ABHD13: variants seen among roughly 807,000 people sequenced by gnomAD.
ABHD13 encodes the protein abhydrolase domain containing 13.
ABHD13 carries 7 observed loss-of-function variants against 25.2 expected under a neutral mutation model. That is an observed-to-expected ratio of 0.28 (90% CI 0.16 to 0.52). The LOEUF (loss-of-function observed/expected upper bound fraction) is 0.52, where lower values mean the gene tolerates loss of function less well. Ranked by LOEUF, ABHD13 falls within the 20% of genes least tolerant of loss-of-function variation. ABHD13 has a pLI of 0.96. For synonymous variants in ABHD13, 133 were observed against 136.1 expected, an observed-to-expected ratio of 0.98 and a Z score of 0.16; for missense variants, 302 against 402.7, an observed-to-expected ratio of 0.75 and a Z score of 2.14.
chr13:108,229,618 G>A lies in ABHD13; in HGVS notation c.400G>A (p.Ala134Thr), dbSNP rs938383427. 11 of 1,613,284 alleles carry A rather than the reference G, an allele frequency of 6.8e-6. No individual in the cohort carries two copies. Among genetic ancestry groups the A allele is most frequent in the Non-Finnish European group, 7.6e-6 (9 of 1,179,574 alleles). The change falls in exon 2 of 2, where the codon GCA (alanine) becomes ACA (threonine). Residue 134 changes from alanine to threonine, a missense_variant. Coordinates refer to ENST00000375898, the MANE Select transcript of ABHD13 (RefSeq NM_032859.3). The surrounding 1 kb of genome is among the most constrained non-coding windows in gnomAD (Gnocchi z 4.7). ...CAACATAGGTCACAGGTTGCCAAATGCATTACTTATGTTGGTTAACCTCAA... is the reference window on the plus strand; with the variant it reads ...CAACATAGGTCACAGGTTGCCAAATACATTACTTATGTTGGTTAACCTCAA... ...AGNIGHRLPN[A>T]LLMLVNLKVN...
At chr13:108,225,264 C>G (rs979113844) in intron 1 of ABHD13, among the ~76,000 whole-genome samples, 2 of 151,922 alleles carry the variant, frequency 1.3e-5, no homozygotes. Flanking sequence ...GCATCAGGTA[C>G]GTGAGGAACA....
intron 1 of ABHD13, among the ~76,000 whole-genome samples, chr13:108,220,507 A>C (rs1879545166): frequency 6.6e-6 from 1 of 152,232 alleles, no homozygotes. Flanking sequence ...TAGTTGCCCC[A>C]GGAAAGTCTT....
chr13:108,231,877 A>G lies in ABHD13; in HGVS notation c.*1645A>G. On this transcript the variant is annotated 3_prime_UTR_variant, in exon 2 of 2. Coordinates refer to ENST00000375898, the MANE Select transcript of ABHD13 (RefSeq NM_032859.3). Reference sequence around the variant, plus strand: ...TGATTTCTAAGAATGTTTTTCTATAAATTACTAATTGTAAAAAGTCTTGCT... The same window carrying G: ...TGATTTCTAAGAATGTTTTTCTATAGATTACTAATTGTAAAAAGTCTTGCT... 6.0e-6 allele frequency: 1 copy of G among 166,956 alleles called. No homozygotes were observed. The allele number at this position is 166,956 out of a possible 1,614,324, so 10.3% of individuals were successfully genotyped here.
intron 1 of ABHD13, among the ~76,000 whole-genome samples, chr13:108,221,766 T>A (rs1318793936): frequency 6.6e-6 from 1 of 152,192 alleles, no homozygotes; most frequent in Non-Finnish European, 1.5e-5. Flanking sequence ...GGTAATGCAC[T>A]TTTTTGTATT....
In ABHD13 at chr13:108,222,254, A is replaced by G. The variant is rs1331568906; in HGVS notation, c.-21+3595A>G. On this transcript the variant is annotated intron_variant, in intron 1 of 1. Transcript: ENST00000375898. ...TGTAAAATGTTATCTATGATACAAT[A>G]GATTTGTCTAATTTATTCTCCTACT... Among the ~76,000 whole-genome samples the G allele has an allele frequency of 2.6e-5, 4 of 152,284 alleles. No individual in the cohort carries two copies. The East Asian group carries it at 7.7e-4, about 29-fold the overall frequency.
Position 108,229,639 on chromosome 13 carries a change from C to G in ABHD13, c.421C>G (p.Leu141Val), listed in dbSNP as rs1418508248. Residue 141 changes from leucine to valine, a missense_variant, in exon 2 of 2, where the codon CTC becomes GTC. Transcript: ENST00000375898. This position sits in a 1 kb window ranked among gnomAD's most constrained non-coding sequence, Gnocchi z 4.7. ...LPNALLMLVN[L>V]KVNLLLVDYR... ...AAATGCATTACTTATGTTGGTTAAC[C>G]TCAAAGTTAACCTTTTGCTGGTTGA... 1.2e-6 allele frequency: 2 copies of G among 1,613,158 alleles called. No individual in the cohort carries two copies. Among genetic ancestry groups the G allele is most frequent in the Non-Finnish European group, 1.7e-6 (2 of 1,179,568 alleles).
rs1879825632 is a variant in ABHD13, at chr13:108,232,400, C to T, written c.*2168C>T. On this transcript the variant is annotated 3_prime_UTR_variant, in exon 2 of 2. Transcript: ENST00000375898. The stretch of plus-strand genomic sequence containing the variant: ...GCAGAGGCTGTGCCTAGGGCTATAC[C>T]ACCACTAGCATCTGTATTTGAGACT... The T allele has an allele frequency of 6.0e-6, 1 of 166,912 alleles. No individual in the cohort carries two copies. The highest frequency in any genetic ancestry group is 1.5e-5 in the Non-Finnish European group (1 of 68,034). 10.3% of individuals were successfully genotyped at this position (166,912 alleles called of 1,614,324 possible). A position where few individuals can be genotyped will look rare whatever the true frequency, so the allele number is the denominator to read the frequency against.
chr13:108,226,249 C>T (rs1879669014), intron 1 of ABHD13, among the ~76,000 whole-genome samples: 1 of 152,170 alleles, frequency 6.6e-6, no homozygotes, highest in Non-Finnish European at 1.5e-5. Flanking sequence ...TGGGAGTGAG[C>T]ACCACCCTGG....
intron 1 of ABHD13, among the ~76,000 whole-genome samples, chr13:108,219,455 G>T (rs969052802): frequency 6.6e-6 from 1 of 152,162 alleles, no homozygotes; most frequent in African/African-American, 2.4e-5. Flanking sequence ...GATCTCTTTT[G>T]ACGGGAGGGG....
In ABHD13 at chr13:108,233,337, A is replaced by G. The variant is rs907360094; in HGVS notation, c.*3105A>G. The G allele has an allele frequency of 1.2e-5, 2 of 166,912 alleles. No individual in the cohort carries two copies. Among genetic ancestry groups the G allele is most frequent in the African/African-American group, 4.8e-5 (2 of 41,458 alleles). 10.3% of individuals were successfully genotyped at this position (166,912 alleles called of 1,614,324 possible). A position where few individuals can be genotyped will look rare whatever the true frequency, so the allele number is the denominator to read the frequency against. On this transcript the variant is annotated 3_prime_UTR_variant, in exon 2 of 2. Transcript: ENST00000375898. ...GGCCATATTTCATTTTTTATAAATT[A>G]TCTTTCAAGCTCAGATAGCTTAAGA...
rs1326306000 is a variant in ABHD13, at chr13:108,229,777, A to G, written c.559A>G (p.Ile187Val). 4 of 1,612,842 alleles carry G rather than the reference A, an allele frequency of 2.5e-6. No individual in the cohort carries two copies. The Admixed American group carries it at 5.0e-5, about 20-fold the overall frequency. ...MTRPDLDKTK[I>V]FLFGRSLGGA... ...TAGACCTGACCTTGATAAAACAAAA[A>G]TTTTTCTTTTTGGCCGTTCCTTGGG... Residue 187 changes from isoleucine to valine, a missense_variant, in exon 2 of 2, where the codon ATT becomes GTT. Transcript: ENST00000375898. This position sits in a 1 kb window ranked among gnomAD's most constrained non-coding sequence, Gnocchi z 4.7.
At chr13:108,228,362 T>C (rs1262395205) in intron 1 of ABHD13, among the ~76,000 whole-genome samples, 1 of 151,928 alleles carries the variant, frequency 6.6e-6, no homozygotes, top group Non-Finnish European at 1.5e-5. Context: ...ATTTTAGCAA[T>C]CTATTGACCC....
rs539014388 is a variant in ABHD13, at chr13:108,218,475, C to G, written c.-205C>G. 90 of 152,326 alleles carry G rather than the reference C, an allele frequency of 5.9e-4. No homozygotes were observed. The highest frequency in any genetic ancestry group is 2.0e-3 in the African/African-American group (85 of 41,528). 9.4% of individuals were successfully genotyped at this position (152,326 alleles called of 1,614,324 possible). A position where few individuals can be genotyped will look rare whatever the true frequency, so the allele number is the denominator to read the frequency against. ...GGCGGGGGCATTTGCCGGCGACACC[C>G]GAGCGGGGGCCGGAAGTGGGGCCAC... is the stretch of plus-strand genomic sequence containing the variant. On this transcript the variant is annotated 5_prime_UTR_variant, in exon 1 of 2. Transcript: ENST00000375898.
intron 1 of ABHD13, among the ~76,000 whole-genome samples, chr13:108,220,951 T>G (rs962205715): frequency 7.2e-5 from 11 of 152,250 alleles, no homozygotes; most frequent in Non-Finnish European, 1.6e-4. Flanking sequence ...TGGATTTGTT[T>G]TAAACATTTC....
chr13:108,223,775 C>T (rs559114373), intron 1 of ABHD13, among the ~76,000 whole-genome samples: 1 of 152,282 alleles, frequency 6.6e-6, no homozygotes, highest in South Asian at 2.1e-4. Flanking sequence ...GGTTTCTGAC[C>T]ACCTTTTGAG....
At chr13:108,227,484 T>G (rs960676125) in intron 1 of ABHD13, among the ~76,000 whole-genome samples, 4 of 152,098 alleles carry the variant, frequency 2.6e-5, no homozygotes, top group Non-Finnish European at 5.9e-5. Flanking sequence ...GTTCATTAGT[T>G]GAAAATTTAA....
chr13:108,226,133 A>G (rs11069723), intron 1 of ABHD13, among the ~76,000 whole-genome samples: 1 of 152,260 alleles, frequency 6.6e-6, no homozygotes, highest in African/African-American at 2.4e-5. Flanking sequence ...ACCATAGTGG[A>G]CCGTACTGTG....
Position 108,233,843 on chromosome 13 carries a change from C to CT in ABHD13, c.*3613dup, listed in dbSNP as rs1484068108. 8.4e-5 allele frequency: 14 copies of CT among 166,680 alleles called. No individual in the cohort carries two copies. Among genetic ancestry groups the CT allele is most frequent in the African/African-American group, 3.4e-4 (14 of 41,466 alleles). The allele number at this position is 166,680 out of a possible 1,614,324, so 10.3% of individuals were successfully genotyped here. On this transcript the variant is annotated 3_prime_UTR_variant, in exon 2 of 2. Coordinates refer to ENST00000375898, the MANE Select transcript of ABHD13 (RefSeq NM_032859.3). ...ATATACCTCCATTTATATTTTGTATCTTAAAATGTAGTTTAAAAATAGGAC... is the reference window on the plus strand; with the variant it reads ...ATATACCTCCATTTATATTTTGTATCTTTAAAATGTAGTTTAAAAATAGGAC...
rs1345326909 is a variant in ABHD13 at position 108,230,106 on chromosome 13, G to T, written c.888G>T (p.Gly296=). Residue 296 remains glycine, a synonymous_variant, in exon 2 of 2, where the codon GGG becomes GGT. Coordinates refer to ENST00000375898, the MANE Select transcript of ABHD13 (RefSeq NM_032859.3). ...RTKRLAIFPD[G]THNDTWQCQG... ...AGAGATTAGCCATTTTTCCAGATGG[G>T]ACTCACAATGACACATGGCAGTGCC... 6.2e-7 allele frequency: 1 copy of T among 1,612,924 alleles called. No homozygotes were observed. The highest frequency in any genetic ancestry group is 8.5e-7 in the Non-Finnish European group (1 of 1,179,334).
Sources: allele counts gnomAD v4.1 joint callset (sites outside exome capture counted in the v4.1 genomes callset), GRCh38; gene constraint gnomAD v4.1.1; non-coding constraint Gnocchi (gnomAD v3.1); transcripts MANE v1.5; gene names NCBI Gene and HGNC (gene_info 2026-07-23, HGNC 2026-07-21).